Variants in PAICS observed in about 807,000 individuals in gnomAD.
PAICS encodes bifunctional phosphoribosylaminoimidazole carboxylase/phosphoribosylaminoimidazole succinocarboxamide synthetase.
In PAICS, 33 loss-of-function variants were observed where a neutral mutation model predicts 53.7. That is an observed-to-expected ratio of 0.61 (90% CI 0.47 to 0.82). The LOEUF is 0.82. Ranked by LOEUF, PAICS falls within the 40% of genes least tolerant of loss-of-function variation. PAICS has a pLI of 0.00. For synonymous variants in PAICS, 141 were observed against 167.2 expected (o/e 0.84, Z 1.21); for missense variants, 394 against 494.1 (o/e 0.80, Z 1.92).
the PAICS span, among the ~76,000 whole-genome samples, chr4:56,425,024 G>A: frequency 1.3e-5 from 2 of 152,134 alleles, no homozygotes; most frequent in African/African-American, 4.8e-5. Context: ...ATACCTCAAT[G>A]TTCATCTAAG....
At chr4:56,424,454 G>A in the PAICS span, among the ~76,000 whole-genome samples, 1 of 152,056 alleles carries the variant, frequency 6.6e-6, no homozygotes, top group African/African-American at 2.4e-5. Context: ...ATTCCATTCA[G>A]GGAAGAAAAA....
In PAICS at chr4:56,448,432, T is replaced by G. The variant is rs180705924; in HGVS notation, c.408T>G (p.Asn136Lys). Residue 136 changes from asparagine to lysine, a missense_variant, in exon 4 of 9, where the codon AAT becomes AAG. Physicochemically the swap from Asn to Lys is moderately conservative, Grantham distance 94. This residue lies in a region of PAICS where 168 missense variants were observed against 199.3 expected (regional missense o/e 0.84). Coordinates refer to ENST00000512576, the MANE Select transcript of PAICS (RefSeq NM_001079524.2). ...VELFFKDDAN[N>K]DPQWSEEQLI... ...TTTATTCACAGGATGATGCCAATAA[T>G]GACCCACAGTGGTCTGAGGAACAGC... The G allele has an allele frequency of 2.5e-6, 4 of 1,588,184 alleles. No individual in the cohort carries two copies. Among genetic ancestry groups the G allele is most frequent in the Non-Finnish European group, 1.7e-6 (2 of 1,166,072 alleles).
chr4:56,438,371 T>TTATATA (rs61681463), intron 1 of PAICS, among the ~76,000 whole-genome samples: 11,366 of 112,340 alleles, frequency 0.1, 756 homozygotes, highest in Non-Finnish European at 0.14. Flanking sequence ...TGCAATGTGT[T>TTATATA]TATATATATA....
the PAICS span, among the ~76,000 whole-genome samples, chr4:56,411,760 A>G: frequency 3.9e-4 from 59 of 152,250 alleles, no homozygotes; most frequent in African/African-American, 1.4e-3. Context: ...ACAGAACTGC[A>G]AATAAATTTA....
chr4:56,426,385 G>A, the PAICS span, among the ~76,000 whole-genome samples: 1 of 151,526 alleles, frequency 6.6e-6, no homozygotes, highest in African/African-American at 2.4e-5. Context: ...CTGGGCGACT[G>A]AGCAAGACTC....
At chr4:56,440,224 T>G (rs140713490) in intron 1 of PAICS, among the ~76,000 whole-genome samples, 95 of 152,318 alleles carry the variant, frequency 6.2e-4, no homozygotes, top group African/African-American at 2.2e-3. Context: ...ATTAAAGATG[T>G]TGGAGTTCTA....
At chr4:56,430,196 A>T in the PAICS span, among the ~76,000 whole-genome samples, 1 of 152,136 alleles carries the variant, frequency 6.6e-6, no homozygotes, top group South Asian at 2.1e-4. Context: ...TTTTTGAAAA[A>T]TTGCATGTCT....
At chr4:56,426,773 A>C in the PAICS span, among the ~76,000 whole-genome samples, 1 of 152,228 alleles carries the variant, frequency 6.6e-6, no homozygotes, top group Non-Finnish European at 1.5e-5. Flanking sequence ...TAAAATATAC[A>C]TAAAATATTT....
At chr4:56,424,875 G>A in the PAICS span, among the ~76,000 whole-genome samples, 2 of 152,168 alleles carry the variant, frequency 1.3e-5, no homozygotes, top group African/African-American at 2.4e-5. Context: ...TTCTGGTATA[G>A]GACAGTCACA....
At chr4:56,414,139 A>T in the PAICS span, 1 of 152,210 alleles carries the variant, frequency 6.6e-6, no homozygotes, top group African/African-American at 2.4e-5. Context: ...TAAGGTAATC[A>T]AAGTTTTCTC....
chr4:56,450,734 ATG>A (rs1475126632), intron 6 of PAICS, 32 bp downstream of exon 6: 4 of 1,024,086 alleles, frequency 3.9e-6, no homozygotes, highest in Non-Finnish European at 4.5e-6. Context: ...TGTATGTATT[ATG>A]TGTTTTTCTT....
chr4:56,451,996 T>A lies in PAICS; in HGVS notation c.896T>A (p.Val299Glu). 6.2e-7 allele frequency: 1 copy of A among 1,609,582 alleles called. No individual in the cohort carries two copies. The highest frequency in any genetic ancestry group is 8.5e-7 in the Non-Finnish European group (1 of 1,177,688). ...TTTGGCATTCCATGTGAACTTCGAG[T>A]AACATCTGCGCATAAAGGACCAGAT... The part of the protein sequence containing the change: ...GNFGIPCELR[V>E]TSAHKGPDET... The change falls in exon 7 of 9, where the codon GTA becomes GAA. Residue 299 changes from valine (V) to glutamate (E), a missense_variant. Val to Glu is a moderately radical substitution (Grantham distance 121). This residue lies in a region of PAICS where 131 missense variants were observed against 205.5 expected (regional missense o/e 0.64). Transcript: ENST00000512576.
At chr4:56,419,151 A>G in the PAICS span, among the ~76,000 whole-genome samples, 1 of 152,230 alleles carries the variant, frequency 6.6e-6, no homozygotes, top group Non-Finnish European at 1.5e-5. Context: ...CAGTAGACTG[A>G]TATATAGCCA....
At chr4:56,436,119 C>T, upstream of PAICS, 2 of 1,473,986 alleles carry the variant, frequency 1.4e-6, no homozygotes, top group Non-Finnish European at 1.8e-6. Context: ...GGCGTTGTTT[C>T]GTCCGATATC....
At position 56,459,744 on chromosome 4, in the gene PAICS, G is replaced by A; in HGVS notation, c.*206G>A. ...GCTAGACACCAAGATATTTCAGCCA[G>A]CCTTTATCATTCCTCTTACTTTATC... is the stretch of plus-strand genomic sequence containing the variant. On this transcript the variant is annotated 3_prime_UTR_variant, in exon 9 of 9. Coordinates refer to ENST00000512576, the MANE Select transcript of PAICS (RefSeq NM_001079524.2). 1 of 468,114 alleles carries A rather than the reference G, an allele frequency of 2.1e-6. No individual in the cohort carries two copies. The highest frequency in any genetic ancestry group is 3.6e-5 in the South Asian group (1 of 27,732). The allele number at this position is 468,114 out of a possible 1,614,324, so 29.0% of individuals were successfully genotyped here.
At chr4:56,417,559 T>C in the PAICS span, among the ~76,000 whole-genome samples, 3 of 152,264 alleles carry the variant, frequency 2.0e-5, no homozygotes, top group Admixed American at 6.5e-5. Flanking sequence ...AGGTGCGGGA[T>C]CACTTGAGAC....
At chr4:56,436,227 C>A, upstream of PAICS, 1 of 1,539,818 alleles carries the variant, frequency 6.5e-7, no homozygotes, top group Non-Finnish European at 8.8e-7. Context: ...TCCTTCCCCG[C>A]CCAGCGAAGC....
chr4:56,451,448 T>C (rs1718913256), intron 6 of PAICS, among the ~76,000 whole-genome samples: 1 of 152,224 alleles, frequency 6.6e-6, no homozygotes, highest in Non-Finnish European at 1.5e-5. Flanking sequence ...TTGAGAACAT[T>C]ATTCTTATAG....
chr4:56,418,219 C>T, the PAICS span, among the ~76,000 whole-genome samples: 3 of 152,166 alleles, frequency 2.0e-5, no homozygotes, highest in Non-Finnish European at 4.4e-5. Context: ...TGGAGGTTCA[C>T]TTGAACCTGG....
Sources: allele counts gnomAD v4.1 joint callset (sites outside exome capture counted in the v4.1 genomes callset), GRCh38; gene constraint gnomAD v4.1.1; regional missense constraint gnomAD v4.1.1; transcripts MANE v1.5; gene names NCBI Gene and HGNC (gene_info 2026-07-23, HGNC 2026-07-21).